PCDH9: variants seen among roughly 807,000 people sequenced by gnomAD.
PCDH9 encodes the protein protocadherin 9.
PCDH9 carries 24 observed loss-of-function variants against 70.6 expected under a neutral mutation model. That is an observed-to-expected ratio of 0.34 (90% CI 0.25 to 0.48). The LOEUF is 0.48. PCDH9 is among the 20% of genes least tolerant of loss of function. PCDH9 has a pLI of 0.99. For missense variants in PCDH9, 1,281 were observed against 1,503.6 expected (o/e 0.85, Z 2.45); for synonymous variants, 562 against 558.5 (o/e 1.01, Z -0.09).
At chr13:67,101,841 G>A (rs2086441296) in intron 2 of PCDH9, among the ~76,000 whole-genome samples, 1 of 152,140 alleles carries the variant, frequency 6.6e-6, no homozygotes, top group Admixed American at 6.5e-5. Flanking sequence ...ACAAACAATG[G>A]ATAACTAATA....
chr13:66,540,428 G>A (rs1960904210), intron 4 of PCDH9, among the ~76,000 whole-genome samples: 1 of 151,940 alleles, frequency 6.6e-6, no homozygotes, highest in Non-Finnish European at 1.5e-5. Context: ...GTAAGTTAAA[G>A]GTAACTTCTG....
Position 66,304,629 on chromosome 13 carries a change from G to A in PCDH9, c.*26C>T, listed in dbSNP as rs1955429142. On this transcript the variant is annotated 3_prime_UTR_variant, in exon 5 of 5. Coordinates refer to ENST00000377865, the MANE Select transcript of PCDH9 (RefSeq NM_203487.3). ...CACGGTATTAGCATGTCTATTTAAA[G>A]TTATTAGGTCCCATATAGCCTTTTC... 3 of 1,591,142 alleles carry A rather than the reference G, an allele frequency of 1.9e-6. No homozygotes were observed. The highest frequency in any genetic ancestry group is 1.7e-5 in the Admixed American group (1 of 59,406).
chr13:67,202,706 G>A (rs1176704572), intron 2 of PCDH9: 1 of 152,052 alleles, frequency 6.6e-6, no homozygotes, highest in African/African-American at 2.4e-5. Context: ...GTAAAACAGG[G>A]GTTTTGCATG....
intron 4 of PCDH9, among the ~76,000 whole-genome samples, chr13:66,494,022 C>T (rs1206953856): frequency 6.6e-6 from 1 of 151,902 alleles, no homozygotes; most frequent in Non-Finnish European, 1.5e-5. Flanking sequence ...ATTTTTAAGA[C>T]TTATGAATTA....
intron 2 of PCDH9, among the ~76,000 whole-genome samples, chr13:66,955,160 A>G (rs1226063082): frequency 6.6e-6 from 1 of 152,200 alleles, no homozygotes; most frequent in African/African-American, 2.4e-5. Context: ...CCAGGTTAAA[A>G]TCATGTGAAA....
intron 2 of PCDH9, among the ~76,000 whole-genome samples, chr13:67,117,811 A>C (rs1337484312): frequency 6.6e-6 from 1 of 152,154 alleles, no homozygotes; most frequent in Non-Finnish European, 1.5e-5. Context: ...GAGTTATAAA[A>C]ATGTCATATC....
rs538240556 is a variant in PCDH9 at position 66,326,090 on chromosome 13, C to T, written c.3341-21062G>A. ...CCAACCGCCTTGTTTTTACTCACCT[C>T]TGGCTTCTCACATTTTTAGTAGTCT... On this transcript the variant is annotated intron_variant, in intron 4 of 4. Transcript: ENST00000377865. 5.3e-5 allele frequency among the ~76,000 whole-genome samples: 8 copies of T among 152,280 alleles called. No individual in the cohort carries two copies. In the South Asian group the frequency reaches 1.2e-3, roughly 24 times the overall value.
At chr13:66,368,967 C>A (rs539093124) in intron 4 of PCDH9, among the ~76,000 whole-genome samples, 17 of 152,108 alleles carry the variant, frequency 1.1e-4, no homozygotes, top group Non-Finnish European at 2.5e-4. Context: ...CGGGTTCCTC[C>A]TACAACACAT....
At position 67,171,301 on chromosome 13, in the gene PCDH9, G is replaced by A. The variant is rs547107963; in HGVS notation, c.3036+54104C>T. Among the ~76,000 whole-genome samples, 16 of 152,238 alleles carry A rather than the reference G, an allele frequency of 1.1e-4. No individual in the cohort carries two copies. In the South Asian group the frequency reaches 2.9e-3, roughly 28 times the overall value. On this transcript the variant is annotated intron_variant, in intron 2 of 4. Coordinates refer to ENST00000377865, the MANE Select transcript of PCDH9 (RefSeq NM_203487.3). ...GCAATCATAAATATATATGAGTCGG[G>A]GTAGAATTTCAGGGTAACAGTTGAC...
At chr13:66,447,854 T>C (rs988187839) in intron 4 of PCDH9, among the ~76,000 whole-genome samples, 2 of 152,176 alleles carry the variant, frequency 1.3e-5, no homozygotes, top group Non-Finnish European at 2.9e-5. Flanking sequence ...CTTTGCCATA[T>C]TGCAAATCCA....
At chr13:66,888,538 G>C (rs1041266381) in intron 3 of PCDH9, among the ~76,000 whole-genome samples, 4 of 148,952 alleles carry the variant, frequency 2.7e-5, no homozygotes, top group Admixed American at 6.7e-5. Flanking sequence ...ATATCAGCCT[G>C]TCCCCAAAAA....
At chr13:66,641,268 C>CT (rs149323903) in intron 3 of PCDH9, among the ~76,000 whole-genome samples, 1,863 of 152,218 alleles carry the variant, frequency 0.012, 38 homozygotes, top group African/African-American at 0.042. Flanking sequence ...TGATGTACCC[C>CT]TGTAGCACAG....
chr13:67,171,479 C>T (rs890807372), intron 2 of PCDH9, among the ~76,000 whole-genome samples: 2 of 152,124 alleles, frequency 1.3e-5, no homozygotes, highest in South Asian at 4.1e-4. Flanking sequence ...CCATATGTGT[C>T]AGAATTAAAG....
chr13:66,608,053 TA>T (rs1160234325), intron 4 of PCDH9, among the ~76,000 whole-genome samples: 1 of 151,988 alleles, frequency 6.6e-6, no homozygotes. Context: ...AATGAATGAA[TA>T]AAAAAGAAAT....
intron 2 of PCDH9, among the ~76,000 whole-genome samples, chr13:67,123,616 A>G (rs546952462): frequency 9.7e-4 from 148 of 152,326 alleles, no homozygotes; most frequent in African/African-American, 3.3e-3. Context: ...TAGGATTAGA[A>G]GAGACTTTGT....
chr13:66,748,156 G>T (rs1009056574), intron 3 of PCDH9, among the ~76,000 whole-genome samples: 1 of 152,176 alleles, frequency 6.6e-6, no homozygotes, highest in Non-Finnish European at 1.5e-5. Flanking sequence ...AGCTTAGATT[G>T]CTGCTTTTAC....
intron 2 of PCDH9, among the ~76,000 whole-genome samples, chr13:66,908,246 C>T (rs2082397094): frequency 2.0e-5 from 3 of 152,160 alleles, no homozygotes; most frequent in Non-Finnish European, 4.4e-5. Flanking sequence ...TCTAATGCAA[C>T]ACAACTAAGT....
chr13:67,204,311 T>C (rs557801813), intron 2 of PCDH9: 10 of 152,302 alleles, frequency 6.6e-5, no homozygotes, highest in African/African-American at 2.4e-4. Flanking sequence ...TTTAGTTAGA[T>C]AGTTGTTTTC....
intron 4 of PCDH9, among the ~76,000 whole-genome samples, chr13:66,554,704 A>G (rs776832023): frequency 1.3e-5 from 2 of 152,142 alleles, no homozygotes; most frequent in Non-Finnish European, 1.5e-5. Flanking sequence ...AAGAACTTCT[A>G]GAGCTTCTAA....
Sources: gnomAD v4.1 joint callset for allele counts (sites outside exome capture counted in the v4.1 genomes callset) on GRCh38, gnomAD v4.1.1 for gene constraint, MANE v1.5 for transcripts, NCBI Gene and HGNC (gene_info 2026-07-23, HGNC 2026-07-21) for gene names.